DOCK2: variants seen among roughly 807,000 people sequenced by gnomAD.
DOCK2 encodes the protein dedicator of cytokinesis 2, also known as dedicator of cytokinesis protein 2.
Under a neutral mutation model 248.9 loss-of-function variants are expected in DOCK2, and 87 were observed. That is an observed-to-expected ratio of 0.35 (90% CI 0.29 to 0.42). The LOEUF (loss-of-function observed/expected upper bound fraction) is 0.42. DOCK2 is among the 10% of genes least tolerant of loss of function. DOCK2 has a pLI of 1.00. For synonymous variants in DOCK2, 805 were observed against 821.6 expected (o/e 0.98, Z 0.35); for missense variants, 1,747 against 2,300.2 (o/e 0.76, Z 4.92).
At position 169,698,460 on chromosome 5, in the gene DOCK2, T is replaced by TC; in HGVS notation, c.1055+14dup. 6.2e-7 allele frequency: 1 copy of TC among 1,613,760 alleles called. No homozygotes were observed. On this transcript the variant is annotated intron_variant, in intron 11 of 51. Transcript: ENST00000520908. ...CATTCCTTTTCACCCGTAAGACATT[T>TC]CCCATTTCTTTCCATTCTCTTCAAC...
intron 24 of DOCK2, among the ~76,000 whole-genome samples, chr5:169,761,093 A>G (rs530683345): frequency 1.3e-5 from 2 of 152,358 alleles, no homozygotes; most frequent in South Asian, 4.2e-4. Context: ...ATGGTATGGT[A>G]ATGAAGTCAG....
intron 27 of DOCK2, among the ~76,000 whole-genome samples, chr5:169,972,559 AGATAGATAGATAGATAGATAGATAGAT>A (rs1777546766): frequency 1.7e-5 from 1 of 57,528 alleles, no homozygotes; most frequent in African/African-American, 7.3e-5. Flanking sequence ...ATAGATAGAT[AGATAGATAGATAGATAGATAGATAGAT>A]GATAGATAGA....
chr5:169,695,776 G>T (rs780313466), intron 9 of DOCK2, 27 bp from the exon 10 acceptor site: 1 of 1,612,214 alleles, frequency 6.2e-7, no homozygotes, highest in South Asian at 1.1e-5. Context: ...GCACATGATG[G>T]TCAATTTTTT....
chr5:169,830,443 A>G (rs1029367190), intron 26 of DOCK2, among the ~76,000 whole-genome samples: 4 of 152,252 alleles, frequency 2.6e-5, no homozygotes, highest in Non-Finnish European at 5.9e-5. Context: ...ATTGCCCAGC[A>G]CATAGTAAGA....
chr5:169,722,725 T>C (rs1242280115), intron 22 of DOCK2, among the ~76,000 whole-genome samples: 1 of 152,228 alleles, frequency 6.6e-6, no homozygotes, highest in African/African-American at 2.4e-5. Flanking sequence ...TGTTAGCTGG[T>C]ATCATGTTTT....
At chr5:169,891,343 T>G (rs561933965) in intron 27 of DOCK2, among the ~76,000 whole-genome samples, 2 of 152,188 alleles carry the variant, frequency 1.3e-5, no homozygotes, top group African/African-American at 4.8e-5. Context: ...TTGAAGAACT[T>G]TAGTATTTGT....
intron 27 of DOCK2, among the ~76,000 whole-genome samples, chr5:169,981,774 G>A (rs532916336): frequency 1.5e-4 from 23 of 152,044 alleles, no homozygotes; most frequent in African/African-American, 5.3e-4. Context: ...GAGTTTTTTA[G>A]CAATATTTTT....
chr5:169,862,454 T>G (rs1344056287), intron 27 of DOCK2, among the ~76,000 whole-genome samples: 1 of 152,234 alleles, frequency 6.6e-6, no homozygotes, highest in Non-Finnish European at 1.5e-5. Flanking sequence ...TATCCTCTAT[T>G]CTGTTCTTTT....
chr5:169,844,669 A>C (rs957557810), intron 27 of DOCK2, among the ~76,000 whole-genome samples: 11 of 150,580 alleles, frequency 7.3e-5, no homozygotes, highest in Non-Finnish European at 1.5e-4. Flanking sequence ...GTGGTATTTC[A>C]CTGTGGTTTT....
chr5:169,708,100 C>A (rs376106879), intron 14 of DOCK2, 69 bp from the exon 15 acceptor site: 6 of 1,552,090 alleles, frequency 3.9e-6, no homozygotes, highest in Non-Finnish European at 5.3e-6. Flanking sequence ...GCCTAGGGAC[C>A]AAACCTGCAC....
intron 15 of DOCK2, 97 bp downstream of exon 15, chr5:169,708,364 C>T: frequency 8.4e-7 from 1 of 1,188,350 alleles, no homozygotes; most frequent in Non-Finnish European, 1.2e-6. Context: ...GTATTGCTTA[C>T]AACAGCCGTG....
At chr5:169,784,689 C>T (rs1402084137) in intron 25 of DOCK2, among the ~76,000 whole-genome samples, 1 of 152,184 alleles carries the variant, frequency 6.6e-6, no homozygotes, top group Non-Finnish European at 1.5e-5. Context: ...GAGCAGACAT[C>T]AGGCTCAAGC....
At chr5:169,959,623 G>A (rs911488049) in intron 27 of DOCK2, among the ~76,000 whole-genome samples, 1 of 152,150 alleles carries the variant, frequency 6.6e-6, no homozygotes, top group Non-Finnish European at 1.5e-5. Flanking sequence ...GCTTCACAGA[G>A]GATCATGCAT....
chr5:169,645,395 A>G (rs944711779), intron 1 of DOCK2, among the ~76,000 whole-genome samples: 1 of 152,038 alleles, frequency 6.6e-6, no homozygotes, highest in Admixed American at 6.6e-5. Flanking sequence ...GCGTTTTTTC[A>G]TGTTTGTTGG....
chr5:170,049,463 G>T (rs544057121), intron 40 of DOCK2, among the ~76,000 whole-genome samples: 1 of 152,218 alleles, frequency 6.6e-6, no homozygotes, highest in Non-Finnish European at 1.5e-5. Flanking sequence ...GATCAGCCAG[G>T]TTTGGAAGCA....
chr5:169,847,923 A>G (rs1163224802), intron 27 of DOCK2, among the ~76,000 whole-genome samples: 1 of 152,238 alleles, frequency 6.6e-6, no homozygotes, highest in Non-Finnish European at 1.5e-5. Context: ...AAACTCTTGT[A>G]TAAACAAGAT....
chr5:169,983,605 A>C (rs1320543014), intron 28 of DOCK2, among the ~76,000 whole-genome samples: 1 of 152,192 alleles, frequency 6.6e-6, no homozygotes, highest in Non-Finnish European at 1.5e-5. Context: ...CATTTGCTGC[A>C]AGACCATCTG....
At chr5:169,704,273 A>T (rs1761126275) in intron 14 of DOCK2, among the ~76,000 whole-genome samples, 1 of 152,228 alleles carries the variant, frequency 6.6e-6, no homozygotes, top group Non-Finnish European at 1.5e-5. Context: ...CAGTCAGTAC[A>T]TTCAAACACT....
chr5:169,766,831 G>A (rs559941799), intron 25 of DOCK2, among the ~76,000 whole-genome samples: 18 of 151,990 alleles, frequency 1.2e-4, no homozygotes, highest in East Asian at 3.9e-4. Flanking sequence ...GCAATGGTGC[G>A]GTCTCAGCTC....
Sources: allele counts gnomAD v4.1 joint callset (sites outside exome capture counted in the v4.1 genomes callset), GRCh38; gene constraint gnomAD v4.1.1; transcripts MANE v1.5; gene names NCBI Gene and HGNC (gene_info 2026-07-23, HGNC 2026-07-21).